Variants in SPATA17 observed in about 807,000 individuals in gnomAD.
The protein encoded by SPATA17 is spermatogenesis associated 17.
In SPATA17, 53 loss-of-function variants were observed where a neutral mutation model predicts 62.2. The observed-to-expected ratio is 0.85, with a 90% CI of 0.68 to 1.07. The LOEUF (loss-of-function observed/expected upper bound fraction) is 1.07. Among genes scored for constraint, SPATA17 ranks in the 50% least tolerant of loss-of-function variants. The pLI is 0.00. For synonymous variants in SPATA17, 146 were observed against 146.8 expected (o/e 0.99, Z 0.04); for missense variants, 466 against 425.5 (o/e 1.10, Z -0.84).
Position 217,697,135 on chromosome 1 carries a change from C to T in SPATA17, c.395+13774C>T, listed in dbSNP as rs561921068. On this transcript the variant is annotated intron_variant, in intron 5 of 10. Coordinates refer to ENST00000366933, the MANE Select transcript of SPATA17 (RefSeq NM_138796.4). ...GTGATTCTCCTGCCTCAGCCTCCTG[C>T]GTAGCTGGGACCACAGGCATGTGCC... is the stretch of plus-strand genomic sequence containing the variant. Among the ~76,000 whole-genome samples, 542 of 152,212 alleles carry T rather than the reference C, an allele frequency of 3.6e-3. 8 individuals carry two copies. Among genetic ancestry groups the T allele is most frequent in the African/African-American group, 0.012 (510 of 41,558 alleles).
chr1:217,811,407 C>G (rs1440306551), intron 9 of SPATA17, among the ~76,000 whole-genome samples: 1 of 152,142 alleles, frequency 6.6e-6, no homozygotes, highest in East Asian at 1.9e-4. Context: ...TTATTCAAAA[C>G]AACTTTACAT....
Position 217,827,118 on chromosome 1 carries a change from T to G in SPATA17, c.1005+25268T>G, listed in dbSNP as rs1050950813. ...TATTAGCTCTGTTTTCATGGTGTAT[T>G]AGAATAAAAGCCATTTGGAAAAACT... On this transcript the variant is annotated intron_variant, in intron 9 of 10. Coordinates refer to ENST00000366933, the MANE Select transcript of SPATA17 (RefSeq NM_138796.4). Among the ~76,000 whole-genome samples the G allele has an allele frequency of 2.4e-4, 37 of 152,078 alleles. 1 individual carries two copies. Among genetic ancestry groups the G allele is most frequent in the African/African-American group, 8.9e-4 (37 of 41,424 alleles).
intron 1 of SPATA17, among the ~76,000 whole-genome samples, 183 bp from the exon 2 acceptor site, chr1:217,648,698 AT>A (rs1325669212): frequency 6.6e-6 from 1 of 152,246 alleles, no homozygotes; most frequent in African/African-American, 2.4e-5. Flanking sequence ...AGAAAGGTTA[AT>A]TTTCAAAACA....
chr1:217,727,756 T>C (rs1464597575), intron 5 of SPATA17, among the ~76,000 whole-genome samples: 1 of 152,192 alleles, frequency 6.6e-6, no homozygotes, highest in Non-Finnish European at 1.5e-5. Flanking sequence ...TCTCAAAGTC[T>C]GGGTAATAAG....
At chr1:217,846,566 T>C (rs1175927308) in intron 9 of SPATA17, among the ~76,000 whole-genome samples, 1 of 152,058 alleles carries the variant, frequency 6.6e-6, no homozygotes, top group African/African-American at 2.4e-5. Context: ...CTATCAAGCT[T>C]AACTGAAAGA....
At chr1:217,743,846 T>C (rs943810794) in intron 6 of SPATA17, among the ~76,000 whole-genome samples, 1 of 152,052 alleles carries the variant, frequency 6.6e-6, no homozygotes, top group Non-Finnish European at 1.5e-5. Flanking sequence ...TGACCTCAAG[T>C]GATCCCCCCG....
rs1420039300 is a variant in SPATA17 at position 217,869,578 on chromosome 1, A to C, written c.*2559A>C. ...TATATATTTTAGGGTAAAATGCCTC[A>C]ATTTATTTCAAGGCCTGATATTTGT... On this transcript the variant is annotated 3_prime_UTR_variant, in exon 11 of 11. Transcript: ENST00000366933. The C allele has an allele frequency of 6.6e-6, 1 of 152,142 alleles. No individual in the cohort carries two copies. Among genetic ancestry groups the C allele is most frequent in the Non-Finnish European group, 1.5e-5 (1 of 68,028 alleles). The allele number at this position is 152,142 out of a possible 1,614,324, so 9.4% of individuals were successfully genotyped here. A position where few individuals can be genotyped will look rare whatever the true frequency, so the allele number is the denominator to read the frequency against.
chr1:217,787,648 G>A (rs1673901814), intron 8 of SPATA17, among the ~76,000 whole-genome samples: 1 of 152,098 alleles, frequency 6.6e-6, no homozygotes, highest in Non-Finnish European at 1.5e-5. Context: ...CTGATCCTCA[G>A]TTATGTTTTC....
chr1:217,837,990 G>C (rs1272391368), intron 9 of SPATA17, among the ~76,000 whole-genome samples: 2 of 152,036 alleles, frequency 1.3e-5, no homozygotes, highest in Non-Finnish European at 2.9e-5. Flanking sequence ...ATTGAGATGT[G>C]TTGTAAGTGT....
At chr1:217,704,453 T>C (rs1029838038) in intron 5 of SPATA17, among the ~76,000 whole-genome samples, 1 of 150,880 alleles carries the variant, frequency 6.6e-6, no homozygotes, top group African/African-American at 2.4e-5. Flanking sequence ...GGTTTCACCT[T>C]GTTAGCCAGG....
At chr1:217,826,036 A>G (rs1452556273) in intron 9 of SPATA17, among the ~76,000 whole-genome samples, 1 of 152,120 alleles carries the variant, frequency 6.6e-6, no homozygotes, top group Non-Finnish European at 1.5e-5. Context: ...TTTTGTTACT[A>G]TATGAGTCTG....
At chr1:217,762,006 T>C (rs142143527) in intron 6 of SPATA17, among the ~76,000 whole-genome samples, 483 of 152,302 alleles carry the variant, frequency 3.2e-3, no homozygotes, top group African/African-American at 0.01. Context: ...CACCTCTTCG[T>C]AGCATCTGAC....
chr1:217,722,510 T>C (rs564630493), intron 5 of SPATA17, among the ~76,000 whole-genome samples: 1 of 152,218 alleles, frequency 6.6e-6, no homozygotes, highest in East Asian at 1.9e-4. Flanking sequence ...TAAAATAACA[T>C]AAAACCTCTT....
intron 9 of SPATA17, among the ~76,000 whole-genome samples, chr1:217,852,409 TATC>T (rs2103012443): frequency 6.6e-6 from 1 of 152,310 alleles, no homozygotes; most frequent in East Asian, 1.9e-4. Context: ...ATGGGCTAGG[TATC>T]ATTCACTGGC....
At chr1:217,648,720 T>A (rs992821048) in intron 1 of SPATA17, among the ~76,000 whole-genome samples, 162 bp from the exon 2 acceptor site, 5 of 152,218 alleles carry the variant, frequency 3.3e-5, no homozygotes, top group Non-Finnish European at 7.3e-5. Context: ...TAGCTCATGA[T>A]TTTTGAAATG....
chr1:217,667,642 T>TAACTAA (rs1164574521), intron 3 of SPATA17, among the ~76,000 whole-genome samples: 3 of 152,294 alleles, frequency 2.0e-5, no homozygotes, highest in East Asian at 3.9e-4. Flanking sequence ...ACTCTACTGT[T>TAACTAA]AACTAAACAA....
At position 217,869,652 on chromosome 1, in the gene SPATA17, A is replaced by G. The variant is rs975539087; in HGVS notation, c.*2633A>G. 2 of 152,102 alleles carry G rather than the reference A, an allele frequency of 1.3e-5. No homozygotes were observed. Among genetic ancestry groups the G allele is most frequent in the Non-Finnish European group, 2.9e-5 (2 of 68,020 alleles). The allele number at this position is 152,102 out of a possible 1,614,324, so 9.4% of individuals were successfully genotyped here. On this transcript the variant is annotated 3_prime_UTR_variant, in exon 11 of 11. Coordinates refer to ENST00000366933, the MANE Select transcript of SPATA17 (RefSeq NM_138796.4). ...GGCTGAAACTTGGCATCTTATTGCT[A>G]TGAAAAATCTTAAGATCTCTATTTT...
rs184260215 is a variant in SPATA17 at position 217,848,236 on chromosome 1, C to T, written c.1006-14538C>T. 3.9e-5 allele frequency among the ~76,000 whole-genome samples: 6 copies of T among 152,162 alleles called. No individual in the cohort carries two copies. In the East Asian group the frequency reaches 1.2e-3, roughly 29 times the overall value. On this transcript the variant is annotated intron_variant, in intron 9 of 10. Transcript: ENST00000366933. ...TGGCAGACTGCTAACTCACTCTTTC[C>T]CTACATGTCCAGTCCTCCTTTTCAG...
chr1:217,764,595 A>G (rs1673253236), intron 6 of SPATA17, among the ~76,000 whole-genome samples: 1 of 152,166 alleles, frequency 6.6e-6, no homozygotes. Context: ...TAAGAACACA[A>G]TTGCTAGATT....
Sources: gnomAD v4.1 joint callset for allele counts (sites outside exome capture counted in the v4.1 genomes callset) on GRCh38, gnomAD v4.1.1 for gene constraint, MANE v1.5 for transcripts, NCBI Gene and HGNC (gene_info 2026-07-23, HGNC 2026-07-21) for gene names.